MAEA: variants seen among roughly 807,000 people sequenced by gnomAD.
MAEA encodes the protein E3 ubiquitin-protein transferase MAEA.
In MAEA, 22 loss-of-function variants were observed where a neutral mutation model predicts 46.2. That is an observed-to-expected ratio of 0.48 (90% confidence interval 0.34 to 0.68). The LOEUF is 0.68. MAEA is among the 30% of genes least tolerant of loss of function. The pLI, the probability that MAEA is intolerant of heterozygous loss-of-function variation, is 0.01. For synonymous variants in MAEA, 246 were observed against 222.6 expected (o/e 1.11, Z -0.94); for missense variants, 393 against 558.1 (o/e 0.70, Z 2.98).
At position 1,311,056 on chromosome 4, in the gene MAEA, G is replaced by A. The variant is rs1279277988; in HGVS notation, c.70-923G>A. On this transcript the variant is annotated intron_variant, in intron 1 of 8. Transcript: ENST00000303400. The surrounding 1 kb of genome is among the most constrained non-coding windows in gnomAD (Gnocchi z 4.4). ...AGGGCCGGGGGAGCAGGCGGTACCCGAGAGTCTGTCCTCCCATGGTTGGGC... is the reference window on the plus strand; with the variant it reads ...AGGGCCGGGGGAGCAGGCGGTACCCAAGAGTCTGTCCTCCCATGGTTGGGC... 1.1e-4 allele frequency among the ~76,000 whole-genome samples: 7 copies of A among 61,494 alleles called. No individual in the cohort carries two copies. The highest frequency in any genetic ancestry group is 2.1e-4 in the Non-Finnish European group (7 of 32,838). The allele number at this position is 61,494 out of a possible 152,430, so 40.3% of individuals were successfully genotyped here.
intron 1 of MAEA, chr4:1,309,632 G>T: frequency 6.5e-7 from 1 of 1,529,706 alleles, no homozygotes; most frequent in Non-Finnish European, 8.7e-7. Flanking sequence ...GGAGGCCTGA[G>T]GAGTAAGCGG....
At chr4:1,312,347 G>A (rs952189910) in intron 2 of MAEA, 186 bp downstream of exon 2, 7 of 632,688 alleles carry the variant, frequency 1.1e-5, no homozygotes, top group Non-Finnish European at 1.7e-5. Context: ...TGTTCCTGTA[G>A]GGACCGTGTT....
intron 2 of MAEA, among the ~76,000 whole-genome samples, chr4:1,314,403 A>G (rs1279871831): frequency 6.6e-6 from 1 of 152,186 alleles, no homozygotes; most frequent in Non-Finnish European, 1.5e-5. Context: ...GAAAAACTCA[A>G]CATTTGCCTA....
intron 5 of MAEA, chr4:1,329,305 T>G (rs1400634636): frequency 5.1e-6 from 5 of 982,668 alleles, no homozygotes. Flanking sequence ...TTGCCTGTGT[T>G]CCCCCCGCTC....
chr4:1,319,026 G>C (rs1229384716), intron 3 of MAEA, among the ~76,000 whole-genome samples: 7 of 152,136 alleles, frequency 4.6e-5, no homozygotes, highest in South Asian at 4.1e-4. Context: ...GCAGAACAGA[G>C]TCCTCAGTGT....
intron 4 of MAEA, among the ~76,000 whole-genome samples, chr4:1,325,046 G>A (rs1317753643): frequency 3.3e-5 from 5 of 152,142 alleles, no homozygotes; most frequent in South Asian, 4.1e-4. Flanking sequence ...AAACATGCCC[G>A]GTACGAGATG....
intron 4 of MAEA, among the ~76,000 whole-genome samples, 195 bp downstream of exon 4, chr4:1,322,698 G>A (rs960539385): frequency 6.6e-6 from 1 of 152,144 alleles, no homozygotes; most frequent in Non-Finnish European, 1.5e-5. Context: ...CACCTCATTT[G>A]GCATTACAGT....
intron 1 of MAEA, among the ~76,000 whole-genome samples, chr4:1,308,183 A>C (rs1736016146): frequency 6.6e-6 from 1 of 151,982 alleles, no homozygotes; most frequent in Admixed American, 6.6e-5. Flanking sequence ...CACTGCACTG[A>C]ATACTGCAGG....
chr4:1,309,809 C>G, intron 1 of MAEA: 1 of 1,389,178 alleles, frequency 7.2e-7, no homozygotes, highest in Non-Finnish European at 9.4e-7. Context: ...CAAAGGGTTC[C>G]TGTCTGCAGC....
chr4:1,333,476 G>A (rs74384658), intron 6 of MAEA, among the ~76,000 whole-genome samples: 9,149 of 152,162 alleles, frequency 0.06, 593 homozygotes, highest in East Asian at 0.19. Flanking sequence ...AGGCTGCACC[G>A]TCTTCCGTGG....
chr4:1,290,573 G>A lies in MAEA; in HGVS notation c.69+591G>A, dbSNP rs1253425021. 2.0e-5 allele frequency among the ~76,000 whole-genome samples: 3 copies of A among 152,254 alleles called. No individual in the cohort carries two copies. The East Asian group carries it at 5.8e-4, about 29-fold the overall frequency. ...TCTTAGAATGAAATTTGTGCTCCTA[G>A]TAGAAGGAGCCGATACTTGTTCTTT... is the stretch of plus-strand genomic sequence containing the variant. On this transcript the variant is annotated intron_variant, in intron 1 of 8. Coordinates refer to ENST00000303400, the MANE Select transcript of MAEA (RefSeq NM_001017405.3).
intron 1 of MAEA, chr4:1,309,856 A>G: frequency 7.6e-7 from 1 of 1,315,676 alleles, no homozygotes; most frequent in African/African-American, 1.5e-5. Context: ...GTGCCTGAGC[A>G]GCGTCAGCAC....
At chr4:1,292,987 A>G (rs1190474476) in intron 1 of MAEA, among the ~76,000 whole-genome samples, 3 of 146,754 alleles carry the variant, frequency 2.0e-5, no homozygotes, top group Non-Finnish European at 4.5e-5. Context: ...TCTGCCTCCC[A>G]GATTCAAGCA....
chr4:1,327,120 G>A (rs369694827), intron 4 of MAEA, among the ~76,000 whole-genome samples: 5 of 152,256 alleles, frequency 3.3e-5, no homozygotes, highest in African/African-American at 7.2e-5. Flanking sequence ...TCAGCGCCTC[G>A]GGACAGGACT....
intron 2 of MAEA, 166 bp downstream of exon 2, chr4:1,312,327 GC>G: frequency 1.4e-6 from 1 of 704,824 alleles, no homozygotes; most frequent in Non-Finnish European, 2.4e-6. Flanking sequence ...GGCTGAGCAG[GC>G]CAGCTTCCTG....
At chr4:1,338,989 G>A (rs1321228766) in intron 8 of MAEA, 85 bp from the exon 9 acceptor site, 11 of 1,114,194 alleles carry the variant, frequency 9.9e-6, no homozygotes, top group Non-Finnish European at 1.5e-5. Flanking sequence ...TCATTCCCTG[G>A]TGGTTCATTG....
At chr4:1,318,045 G>A (rs1315361995) in intron 3 of MAEA, among the ~76,000 whole-genome samples, 4 of 152,214 alleles carry the variant, frequency 2.6e-5, no homozygotes, top group African/African-American at 4.8e-5. Context: ...GCCAGCACAT[G>A]TCCGCTCCGG....
chr4:1,293,433 A>C (rs1734311875), intron 1 of MAEA, among the ~76,000 whole-genome samples: 1 of 152,130 alleles, frequency 6.6e-6, no homozygotes, highest in African/African-American at 2.4e-5. Flanking sequence ...TCTTCAAGTT[A>C]CCCTGCTGCA....
chr4:1,308,606 G>A (rs1308158613), intron 1 of MAEA, among the ~76,000 whole-genome samples: 1 of 152,216 alleles, frequency 6.6e-6, no homozygotes, highest in African/African-American at 2.4e-5. Flanking sequence ...AGTGATCGCC[G>A]TCCTAACGGG....
Sources: gnomAD v4.1 joint callset for allele counts (sites outside exome capture counted in the v4.1 genomes callset) on GRCh38, gnomAD v4.1.1 for gene constraint, Gnocchi (gnomAD v3.1) non-coding constraint, MANE v1.5 for transcripts, NCBI Gene and HGNC (gene_info 2026-07-23, HGNC 2026-07-21) for gene names.